The following GRB14 variants were observed in gnomAD, a reference collection of about 807,000 sequenced individuals.
GRB14 encodes the protein growth factor receptor-bound protein 14.
In GRB14, 38 loss-of-function variants were observed where a neutral mutation model predicts 69.1. That is an observed-to-expected ratio of 0.55 (90% CI 0.42 to 0.72). GRB14 has a LOEUF of 0.72. GRB14 is among the 30% of genes least tolerant of loss of function. The probability of loss-of-function intolerance (pLI) is 0.00; values close to 1 mark genes in which losing one functional copy is unlikely to be tolerated. For synonymous variants in GRB14, 247 were observed against 241.3 expected, an observed-to-expected ratio of 1.02 and a Z score of -0.22; for missense variants, 666 against 666.1, an observed-to-expected ratio of 1.00 and a Z score of 0.00.
intron 2 of GRB14, among the ~76,000 whole-genome samples, chr2:164,559,282 T>C (rs1025556749): frequency 6.6e-6 from 1 of 152,154 alleles, no homozygotes; most frequent in Non-Finnish European, 1.5e-5. Context: ...ATTTATTTAT[T>C]TACTTTTCTT....
At chr2:164,574,486 T>C (rs1689202887) in intron 2 of GRB14, among the ~76,000 whole-genome samples, 1 of 152,076 alleles carries the variant, frequency 6.6e-6, no homozygotes, top group Non-Finnish European at 1.5e-5. Flanking sequence ...TCCGCCCACC[T>C]TGGCCTCCCA....
chr2:164,619,610 A>G, intron 2 of GRB14, 77 bp downstream of exon 2: 1 of 958,886 alleles, frequency 1.0e-6, no homozygotes, highest in Non-Finnish European at 1.6e-6. Flanking sequence ...TAATACTGTA[A>G]ATTACGGAAC....
chr2:164,497,761 C>T (rs961440610), intron 9 of GRB14, among the ~76,000 whole-genome samples: 9 of 152,014 alleles, frequency 5.9e-5, no homozygotes, highest in African/African-American at 2.2e-4. Context: ...AGATTAAAAG[C>T]TTTTAAAGTA....
intron 2 of GRB14, among the ~76,000 whole-genome samples, chr2:164,610,874 TAAA>T (rs1294119832): frequency 2.1e-5 from 1 of 48,182 alleles, no homozygotes; most frequent in Admixed American, 2.1e-4. Context: ...AAAAAAAAAT[TAAA>T]AAAAAAAAAA....
chr2:164,526,543 A>G (rs1687779340), intron 4 of GRB14, among the ~76,000 whole-genome samples: 1 of 152,082 alleles, frequency 6.6e-6, no homozygotes, highest in African/African-American at 2.4e-5. Flanking sequence ...TTTCTGGCTA[A>G]GTTATAATAC....
At chr2:164,618,660 G>A (rs1028733862) in intron 2 of GRB14, among the ~76,000 whole-genome samples, 2 of 152,050 alleles carry the variant, frequency 1.3e-5, no homozygotes, top group Non-Finnish European at 2.9e-5. Flanking sequence ...ATTTCCTACT[G>A]TCTCTATCAT....
intron 2 of GRB14, chr2:164,568,380 C>T: frequency 7.8e-7 from 1 of 1,287,458 alleles, no homozygotes; most frequent in Non-Finnish European, 1.0e-6. Context: ...AAACTCATGC[C>T]TGCTCTTCTT....
chr2:164,566,150 CT>C (rs1373677634), intron 2 of GRB14, among the ~76,000 whole-genome samples: 2 of 152,198 alleles, frequency 1.3e-5, no homozygotes, highest in South Asian at 2.1e-4. Context: ...CTGAGAAATG[CT>C]TGTACTGATT....
chr2:164,575,179 C>A (rs146108872), intron 2 of GRB14, among the ~76,000 whole-genome samples: 1 of 152,094 alleles, frequency 6.6e-6, no homozygotes, highest in East Asian at 1.9e-4. Context: ...TGCATGAAAT[C>A]CTTGAAAAAA....
intron 8 of GRB14, among the ~76,000 whole-genome samples, chr2:164,505,507 C>T (rs937093095): frequency 6.6e-6 from 1 of 152,146 alleles, no homozygotes. Flanking sequence ...AACACAGCCC[C>T]ATGCCATATC....
At chr2:164,519,590 G>A (rs1219417224) in intron 6 of GRB14, among the ~76,000 whole-genome samples, 1 of 152,064 alleles carries the variant, frequency 6.6e-6, no homozygotes, top group Non-Finnish European at 1.5e-5. Flanking sequence ...CAGATGATAT[G>A]ATCGTATACC....
rs1686931015 is a variant in GRB14 at position 164,497,363 on chromosome 2, G to A, written c.1221+11C>T. 6.2e-7 allele frequency: 1 copy of A among 1,605,312 alleles called. No homozygotes were observed. Among genetic ancestry groups the A allele is most frequent in the South Asian group, 1.1e-5 (1 of 90,324 alleles). On this transcript the variant is annotated intron_variant, in intron 10 of 13. Coordinates refer to ENST00000263915, the MANE Select transcript of GRB14 (RefSeq NM_004490.3). ...TCATAAATATTTTGAAGCATGTGAA[G>A]CTACTTGTACCCTCCAAGCGAGTCC...
At chr2:164,562,842 T>C (rs1001794388) in intron 2 of GRB14, among the ~76,000 whole-genome samples, 3 of 152,198 alleles carry the variant, frequency 2.0e-5, no homozygotes, top group African/African-American at 7.2e-5. Flanking sequence ...CTGGGTTTCC[T>C]GGCTCTAAAG....
At chr2:164,611,887 C>T (rs1690175104) in intron 2 of GRB14, among the ~76,000 whole-genome samples, 1 of 152,046 alleles carries the variant, frequency 6.6e-6, no homozygotes. Flanking sequence ...GCTTCTAGGG[C>T]TAGTGGAACA....
chr2:164,601,142 A>G (rs141118878), intron 2 of GRB14, among the ~76,000 whole-genome samples: 1,741 of 152,258 alleles, frequency 0.011, 15 homozygotes, highest in Non-Finnish European at 0.019. Context: ...GAGTACAGCT[A>G]AACTCTTTCA....
intron 2 of GRB14, among the ~76,000 whole-genome samples, chr2:164,611,137 G>T (rs1690158593): frequency 6.6e-6 from 1 of 152,148 alleles, no homozygotes; most frequent in African/African-American, 2.4e-5. Flanking sequence ...TTAAGAGGTA[G>T]CCAGGGACAA....
intron 2 of GRB14, among the ~76,000 whole-genome samples, chr2:164,572,928 C>T (rs1003047305): frequency 2.0e-5 from 3 of 152,202 alleles, no homozygotes; most frequent in Non-Finnish European, 2.9e-5. Flanking sequence ...TTTCATCTTT[C>T]CCTGTATCTC....
At chr2:164,496,205 C>T (rs1686889277) in intron 12 of GRB14, among the ~76,000 whole-genome samples, 1 of 152,150 alleles carries the variant, frequency 6.6e-6, no homozygotes, top group Non-Finnish European at 1.5e-5. Flanking sequence ...GATTAGCCAA[C>T]TTTTGAAGAT....
intron 2 of GRB14, among the ~76,000 whole-genome samples, chr2:164,583,227 A>G (rs1229469759): frequency 3.3e-5 from 5 of 152,232 alleles, no homozygotes; most frequent in African/African-American, 4.8e-5. Flanking sequence ...CCATACAAAG[A>G]AAACTGGAGA....
Sources: allele counts gnomAD v4.1 joint callset (sites outside exome capture counted in the v4.1 genomes callset), GRCh38; gene constraint gnomAD v4.1.1; transcripts MANE v1.5; gene names NCBI Gene and HGNC (gene_info 2026-07-23, HGNC 2026-07-21).